The following NKTR variants were observed in gnomAD, a reference collection of about 807,000 sequenced individuals.
NKTR encodes the protein NK-tumor recognition protein.
NKTR carries 67 observed loss-of-function variants against 156.3 expected under a neutral mutation model. The observed-to-expected ratio is 0.43, with a 90% confidence interval of 0.35 to 0.53. The LOEUF is 0.53. Among genes scored for constraint, NKTR ranks in the 20% least tolerant of loss-of-function variants. NKTR has a pLI of 0.01. For synonymous variants in NKTR, 640 were observed against 596.6 expected (o/e 1.07, Z -1.06); for missense variants, 1,604 against 1,730.9 (o/e 0.93, Z 1.30).
At chr3:42,623,353 T>A (rs1708086334) in intron 6 of NKTR, among the ~76,000 whole-genome samples, 1 of 152,140 alleles carries the variant, frequency 6.6e-6, no homozygotes, top group African/African-American at 2.4e-5. Flanking sequence ...GAAATTTCCT[T>A]CTGGAAAGGG....
At chr3:42,632,524 T>C (rs1056166185) in intron 8 of NKTR, 77 bp from the exon 9 acceptor site, 26 of 828,994 alleles carry the variant, frequency 3.1e-5, no homozygotes, top group Admixed American at 1.4e-4. Context: ...TTTTATGATA[T>C]TCAGTAATCA....
At chr3:42,630,993 C>T in intron 7 of NKTR, 178 bp from the exon 8 acceptor site, 2 of 1,419,502 alleles carry the variant, frequency 1.4e-6, no homozygotes, top group Non-Finnish European at 1.8e-6. Context: ...TTTGCATAAT[C>T]GTTTCCTTTT....
At chr3:42,608,517 G>A (rs1706461243) in intron 2 of NKTR, among the ~76,000 whole-genome samples, 1 of 152,168 alleles carries the variant, frequency 6.6e-6, no homozygotes, top group African/African-American at 2.4e-5. Flanking sequence ...CTCCCTCATT[G>A]TGTTCACCAG....
chr3:42,636,744 C>G (rs1397276143), intron 12 of NKTR, 124 bp from the exon 13 acceptor site: 4 of 1,339,344 alleles, frequency 3.0e-6, no homozygotes, highest in Non-Finnish European at 3.9e-6. Flanking sequence ...AACTCTGATT[C>G]ACGCTTCCTG....
chr3:42,609,680 T>A (rs575753702), intron 2 of NKTR, among the ~76,000 whole-genome samples: 1 of 152,354 alleles, frequency 6.6e-6, no homozygotes, highest in South Asian at 2.1e-4. Flanking sequence ...TTGAGTCTTG[T>A]CTAAGAACAA....
At position 42,629,270 on chromosome 3, in the gene NKTR, T is replaced by C. The variant is rs369318744; in HGVS notation, c.375-1276T>C. Reference sequence around the variant, plus strand: ...ATTTTTATAATTACATTGGCATGAATTTCCACTTTTCAATCTTCTAAGGAA... The same window carrying C: ...ATTTTTATAATTACATTGGCATGAACTTCCACTTTTCAATCTTCTAAGGAA... On this transcript the variant is annotated intron_variant, in intron 6 of 16. Transcript: ENST00000232978. 23 of 973,986 alleles carry C rather than the reference T, an allele frequency of 2.4e-5. No individual in the cohort carries two copies. In the East Asian group the frequency reaches 2.2e-3, roughly 92 times the overall value. The allele number at this position is 973,986 out of a possible 1,614,324, so 60.3% of individuals were successfully genotyped here.
intron 2 of NKTR, among the ~76,000 whole-genome samples, chr3:42,604,150 T>C (rs772859868): frequency 6.6e-6 from 1 of 152,230 alleles, no homozygotes; most frequent in Non-Finnish European, 1.5e-5. Context: ...TGGTGTCTCT[T>C]TTCATTCCTG....
rs137861913 is a variant in NKTR at position 42,638,565 on chromosome 3, G to A, written c.2861G>A (p.Arg954His). The A allele has an allele frequency of 1.5e-5, 25 of 1,613,864 alleles. No individual in the cohort carries two copies. Among genetic ancestry groups the A allele is most frequent in the South Asian group, 1.1e-4 (10 of 91,050 alleles). The change falls in exon 13 of 17, where the codon CGC (arginine) becomes CAC (histidine). Residue 954 changes from arginine to histidine, a missense_variant. By Grantham distance (29) the Arg-to-His change is conservative. Around this residue, in one of 6 missense-constraint regions of NKTR, gnomAD observed 1,255 missense variants for 1,243.7 expected, o/e 1.01. Coordinates refer to ENST00000232978, the MANE Select transcript of NKTR (RefSeq NM_005385.4). ...DNGAWKSSKQ[R>H]TSTSDSEGSC... is the part of the protein sequence containing the mutation. ...GGTGCTTGGAAATCAAGCAAACAGC[G>A]CACATCAACTTCTGACTCTGAGGGG... is the stretch of plus-strand genomic sequence containing the variant.
At chr3:42,619,454 G>T in intron 4 of NKTR, 14 of 1,387,064 alleles carry the variant, frequency 1.0e-5, no homozygotes, top group Non-Finnish European at 1.3e-5. Flanking sequence ...TAAGTAGGTT[G>T]TGAAGATGAC....
At chr3:42,612,869 AGCT>A (rs1706978306) in intron 2 of NKTR, among the ~76,000 whole-genome samples, 1 of 152,122 alleles carries the variant, frequency 6.6e-6, no homozygotes, top group Non-Finnish European at 1.5e-5. Flanking sequence ...AAAACTAAAT[AGCT>A]TTATTAATTG....
In NKTR at chr3:42,638,143, G is replaced by A; in HGVS notation, c.2439G>A (p.Gln813=). The A allele has an allele frequency of 6.2e-7, 1 of 1,613,766 alleles. No homozygotes were observed. The highest frequency in any genetic ancestry group is 2.2e-5 in the East Asian group (1 of 44,888). Residue 813 remains glutamine, a synonymous_variant, in exon 13 of 17, where the codon CAG becomes CAA. Coordinates refer to ENST00000232978, the MANE Select transcript of NKTR (RefSeq NM_005385.4). ...TAGATTATTCTTCAGACAGTGAGCA[G>A]TCAAGTGTTCAGGCCACACAGTCAG... is the stretch of plus-strand genomic sequence containing the variant. The part of the protein sequence containing the change: ...SSLDYSSDSE[Q]SSVQATQSAQ...
At chr3:42,623,638 T>C (rs1708115980) in intron 6 of NKTR, 1 of 152,112 alleles carries the variant, frequency 6.6e-6, no homozygotes, top group African/African-American at 2.4e-5. Context: ...CAAAGCCTTT[T>C]GGAGTTGAAA....
At chr3:42,629,971 C>T in intron 6 of NKTR, 1 of 985,336 alleles carries the variant, frequency 1.0e-6, no homozygotes. Flanking sequence ...TTCAGAGTTG[C>T]CGTGTCAGAG....
intron 6 of NKTR, chr3:42,630,115 T>A: frequency 1.0e-6 from 1 of 990,182 alleles, no homozygotes; most frequent in Non-Finnish European, 1.2e-6. Context: ...TTGGGGCAAA[T>A]GTTAATCACT....
intron 12 of NKTR, among the ~76,000 whole-genome samples, chr3:42,636,345 G>A (rs1206082270): frequency 1.3e-5 from 2 of 152,246 alleles, no homozygotes; most frequent in South Asian, 2.1e-4. Context: ...ATCTGTTTTT[G>A]TGTACTTTTT....
intron 5 of NKTR, chr3:42,620,541 C>T (rs2125784942): frequency 1.0e-6 from 1 of 984,518 alleles, no homozygotes; most frequent in East Asian, 1.1e-4. Context: ...TGGATTACTA[C>T]TCTTTTTCAG....
chr3:42,607,967 C>CT (rs1706383846), intron 2 of NKTR, among the ~76,000 whole-genome samples: 2 of 76,714 alleles, frequency 2.6e-5, no homozygotes, highest in Non-Finnish European at 5.9e-5. Context: ...TCCTGAGTCG[C>CT]TCTTTTTTTT....
At chr3:42,645,719 G>A (rs1710303848) in intron 16 of NKTR, among the ~76,000 whole-genome samples, 169 bp from the exon 17 acceptor site, 1 of 152,048 alleles carries the variant, frequency 6.6e-6, no homozygotes, top group Admixed American at 6.6e-5. Context: ...TGTTGCCATA[G>A]TCAGTACCCT....
Position 42,639,393 on chromosome 3 carries a change from A to G in NKTR, c.3689A>G (p.Gln1230Arg). The change falls in exon 13 of 17, where the codon CAA becomes CGA. Residue 1230 changes from glutamine to arginine, a missense_variant. Physicochemically the swap from Gln to Arg is conservative, Grantham distance 43. Coordinates refer to ENST00000232978, the MANE Select transcript of NKTR (RefSeq NM_005385.4). ...NLIDKKWKPLQGVGNLAAPNA... is the reference protein window; with the variant it reads ...NLIDKKWKPLRGVGNLAAPNA... ...ATTGATAAGAAATGGAAGCCCCTGC[A>G]AGGTGTGGGGAACCTGGCAGCACCT... 6.2e-7 allele frequency: 1 copy of G among 1,613,918 alleles called. No individual in the cohort carries two copies. Among genetic ancestry groups the G allele is most frequent in the Non-Finnish European group, 8.5e-7 (1 of 1,179,778 alleles).
Sources: gnomAD v4.1 joint callset for allele counts (sites outside exome capture counted in the v4.1 genomes callset) on GRCh38, gnomAD v4.1.1 for gene constraint, gnomAD v4.1.1 regional missense constraint, MANE v1.5 for transcripts, NCBI Gene and HGNC (gene_info 2026-07-23, HGNC 2026-07-21) for gene names.